ADCYAP1R1: variants seen among roughly 807,000 people sequenced by gnomAD.
ADCYAP1R1 encodes ADCYAP receptor type I.
Under a neutral mutation model 67.6 loss-of-function variants are expected in ADCYAP1R1, and 44 were observed. That is an observed-to-expected ratio of 0.65 (90% CI 0.51 to 0.84). The LOEUF is 0.84. Ranked by LOEUF, ADCYAP1R1 falls within the 40% of genes least tolerant of loss-of-function variation. The pLI is 0.00. For missense variants in ADCYAP1R1, 477 were observed against 587.9 expected (o/e 0.81, Z 1.95); for synonymous variants, 222 against 219.6 (o/e 1.01, Z -0.10).
intron 3 of ADCYAP1R1, among the ~76,000 whole-genome samples, chr7:31,068,588 A>G (rs1323976120): frequency 6.6e-6 from 1 of 152,182 alleles, no homozygotes; most frequent in East Asian, 1.9e-4. Flanking sequence ...CCCTTTTCTT[A>G]GCTATGAAAA....
intron 1 of ADCYAP1R1, among the ~76,000 whole-genome samples, chr7:31,059,236 A>C (rs1794390007): frequency 6.6e-6 from 1 of 152,176 alleles, no homozygotes; most frequent in Admixed American, 6.5e-5. Context: ...CTTTGTATAA[A>C]TTTGCTGATG....
At chr7:31,095,893 A>G (rs1262241160) in intron 13 of ADCYAP1R1, 1 of 616,890 alleles carries the variant, frequency 1.6e-6, no homozygotes, top group Non-Finnish European at 2.9e-6. Flanking sequence ...GTCCTCTCTG[A>G]CCTGATGCTC....
chr7:31,077,271 G>T (rs913948231), intron 3 of ADCYAP1R1, among the ~76,000 whole-genome samples: 2 of 151,448 alleles, frequency 1.3e-5, no homozygotes, highest in Non-Finnish European at 3.0e-5. Context: ...TGTGTGTGTG[G>T]GTGTGGTGCA....
chr7:31,101,289 C>T (rs1344282874), intron 13 of ADCYAP1R1, among the ~76,000 whole-genome samples: 1 of 152,182 alleles, frequency 6.6e-6, no homozygotes, highest in East Asian at 1.9e-4. Flanking sequence ...CTGTTTCTCA[C>T]ACTCTGAATC....
At chr7:31,101,104 C>G (rs1414004150) in intron 13 of ADCYAP1R1, among the ~76,000 whole-genome samples, 1 of 152,178 alleles carries the variant, frequency 6.6e-6, no homozygotes, top group Non-Finnish European at 1.5e-5. Context: ...CCCTACTGCC[C>G]CATTTGCCAA....
At chr7:31,105,078 C>G (rs1224119770) in intron 15 of ADCYAP1R1, among the ~76,000 whole-genome samples, 169 bp downstream of exon 15, 1 of 152,164 alleles carries the variant, frequency 6.6e-6, no homozygotes, top group African/African-American at 2.4e-5. Flanking sequence ...TTGTGTGGTG[C>G]CAGGACCTCC....
chr7:31,095,645 G>C (rs565243572), intron 13 of ADCYAP1R1: 1 of 717,654 alleles, frequency 1.4e-6, no homozygotes, highest in Admixed American at 2.0e-5. Context: ...ACAGCTCTCC[G>C]GTTTTTTCCT....
At position 31,103,492 on chromosome 7, in the gene ADCYAP1R1, G is replaced by A; in HGVS notation, c.1176+126G>A. The A allele has an allele frequency of 2.2e-6, 3 of 1,355,356 alleles. No individual in the cohort carries two copies. In the South Asian group the frequency reaches 4.2e-5, roughly 19 times the overall value. The allele number at this position is 1,355,356 out of a possible 1,614,324, so 84.0% of individuals were successfully genotyped here. A position where few individuals can be genotyped will look rare whatever the true frequency, so the allele number is the denominator to read the frequency against. On this transcript the variant is annotated intron_variant, in intron 14 of 15. Transcript: ENST00000304166. Reference sequence around the variant, plus strand: ...GAGTGCTAGAGTAGAGGTGATGAGGGAGCCCTGTCTGCTGTCTACCCTTAG... The same window carrying A: ...GAGTGCTAGAGTAGAGGTGATGAGGAAGCCCTGTCTGCTGTCTACCCTTAG...
chr7:31,105,284 C>T (rs1238483141), intron 15 of ADCYAP1R1, among the ~76,000 whole-genome samples: 2 of 152,232 alleles, frequency 1.3e-5, no homozygotes, highest in East Asian at 3.9e-4. Context: ...GACATAGGAC[C>T]TACAGGCCAT....
chr7:31,068,551 G>A (rs1216646028), intron 3 of ADCYAP1R1, among the ~76,000 whole-genome samples: 2 of 152,190 alleles, frequency 1.3e-5, no homozygotes, highest in Admixed American at 6.5e-5. Flanking sequence ...TTGGGAGACA[G>A]GGACCCTGAA....
In ADCYAP1R1 at chr7:31,089,423, G is replaced by GT. The variant is rs34984750; in HGVS notation, c.954+1745dup. Among the ~76,000 whole-genome samples the GT allele has an allele frequency of 4.6e-3, 584 of 127,508 alleles. 5 individuals carry two copies. The highest frequency in any genetic ancestry group is 0.018 in the East Asian group (77 of 4,276). 83.7% of individuals were successfully genotyped at this position (127,508 alleles called of 152,430 possible). Reference sequence around the variant, plus strand: ...AAGTTTTTCATCTTGGCTTGTTTCAGTTTTTTTTTTTTTTTTTTAATCAGG... The same window carrying GT: ...AAGTTTTTCATCTTGGCTTGTTTCAGTTTTTTTTTTTTTTTTTTTAATCAGG... On this transcript the variant is annotated intron_variant, in intron 12 of 15. Coordinates refer to ENST00000304166, the MANE Select transcript of ADCYAP1R1 (RefSeq NM_001118.5).
Position 31,106,760 on chromosome 7 carries a change from C to A in ADCYAP1R1, c.*76C>A. The A allele has an allele frequency of 2.1e-6, 3 of 1,453,502 alleles. No homozygotes were observed. Among genetic ancestry groups the A allele is most frequent in the Non-Finnish European group, 2.7e-6 (3 of 1,095,202 alleles). The allele number at this position is 1,453,502 out of a possible 1,614,324, so 90.0% of individuals were successfully genotyped here. On this transcript the variant is annotated 3_prime_UTR_variant, in exon 16 of 16. Coordinates refer to ENST00000304166, the MANE Select transcript of ADCYAP1R1 (RefSeq NM_001118.5). ...GCAGGTGCCAGCCCACGCATGTTTG[C>A]GCCTCTTCCCTCCCCTTGGGCAGGC...
intron 5 of ADCYAP1R1, 148 bp from the exon 6 acceptor site, chr7:31,081,564 GC>G (rs1399943994): frequency 3.5e-6 from 2 of 568,122 alleles, no homozygotes. Context: ...AAGGTGCGCG[GC>G]TGCTATGTGT....
chr7:31,093,451 A>T (rs1796053314), intron 13 of ADCYAP1R1, among the ~76,000 whole-genome samples: 1 of 151,826 alleles, frequency 6.6e-6, no homozygotes, highest in South Asian at 2.1e-4. Context: ...GCCCTTTCCC[A>T]TTTCTCTCTC....
In ADCYAP1R1 at chr7:31,099,831, C is replaced by T. The variant is rs145446380; in HGVS notation, c.1047-3406C>T. Among the ~76,000 whole-genome samples, 377 of 152,318 alleles carry T rather than the reference C, an allele frequency of 2.5e-3. 1 individual carries two copies. The highest frequency in any genetic ancestry group is 8.4e-3 in the African/African-American group (351 of 41,564). On this transcript the variant is annotated intron_variant, in intron 13 of 15. Coordinates refer to ENST00000304166, the MANE Select transcript of ADCYAP1R1 (RefSeq NM_001118.5). The stretch of plus-strand genomic sequence containing the variant: ...CTGGCTCCCTGTGTGAGACCTAGCC[C>T]AGGCCACCTTCTGAATACACACCTT...
At chr7:31,085,938 T>A (rs1044727751) in intron 9 of ADCYAP1R1, among the ~76,000 whole-genome samples, 1 of 152,166 alleles carries the variant, frequency 6.6e-6, no homozygotes, top group South Asian at 2.1e-4. Context: ...GTCCAGGGCC[T>A]TGACCAGGAG....
In ADCYAP1R1 at chr7:31,111,355, G is replaced by A. The variant is rs1796855502; in HGVS notation, c.*4671G>A. On this transcript the variant is annotated 3_prime_UTR_variant, in exon 16 of 16. Coordinates refer to ENST00000304166, the MANE Select transcript of ADCYAP1R1 (RefSeq NM_001118.5). Reference sequence around the variant, plus strand: ...GTTTCATCTCCCACAGTAAAGCTAAGTAAGCCCCACAGACCTTACTGCTAC... The same window carrying A: ...GTTTCATCTCCCACAGTAAAGCTAAATAAGCCCCACAGACCTTACTGCTAC... 1.3e-5 allele frequency: 2 copies of A among 152,218 alleles called. No individual in the cohort carries two copies. The highest frequency in any genetic ancestry group is 2.9e-5 in the Non-Finnish European group (2 of 68,062). The allele number at this position is 152,218 out of a possible 1,614,324, so 9.4% of individuals were successfully genotyped here. A position where few individuals can be genotyped will look rare whatever the true frequency, so the allele number is the denominator to read the frequency against.
intron 13 of ADCYAP1R1, chr7:31,100,307 T>C: frequency 2.6e-6 from 3 of 1,156,564 alleles, no homozygotes; most frequent in Non-Finnish European, 3.7e-6. Context: ...AGAGCCAGCC[T>C]CTGCCTCCCA....
At chr7:31,089,517 G>A (rs950011817) in intron 12 of ADCYAP1R1, among the ~76,000 whole-genome samples, 2 of 151,470 alleles carry the variant, frequency 1.3e-5, no homozygotes, top group Non-Finnish European at 2.9e-5. Flanking sequence ...TTTAGTCATG[G>A]CTATTTATAG....
Sources: allele counts gnomAD v4.1 joint callset (sites outside exome capture counted in the v4.1 genomes callset), GRCh38; gene constraint gnomAD v4.1.1; transcripts MANE v1.5; gene names NCBI Gene and HGNC (gene_info 2026-07-23, HGNC 2026-07-21).